The following ADGRV1 variants were observed in gnomAD, a reference collection of about 807,000 sequenced individuals.
ADGRV1 encodes adhesion G protein-coupled receptor V1, also known as G-protein coupled receptor 98.
ADGRV1 carries 359 observed loss-of-function variants against 596.2 expected under a neutral mutation model. The ratio of observed to expected loss-of-function variants is 0.60; its 90% CI spans 0.55 to 0.66. ADGRV1 has a LOEUF of 0.66. Ranked by LOEUF, ADGRV1 falls within the 30% of genes least tolerant of loss-of-function variation. ADGRV1 has a pLI of 0.00. For missense variants in ADGRV1, 7,274 were observed against 7,575.6 expected, an observed-to-expected ratio of 0.96 and a Z score of 1.48; for synonymous variants, 2,681 against 2,679.2, an observed-to-expected ratio of 1.00 and a Z score of -0.02.
chr5:91,061,211 A>T (rs1235828531), intron 85 of ADGRV1, among the ~76,000 whole-genome samples: 1 of 152,222 alleles, frequency 6.6e-6, no homozygotes, highest in Non-Finnish European at 1.5e-5. Context: ...AACATAGAGC[A>T]TTCATACATA....
chr5:90,736,673 A>C (rs919664994), intron 50 of ADGRV1, among the ~76,000 whole-genome samples: 3 of 151,774 alleles, frequency 2.0e-5, no homozygotes, highest in African/African-American at 7.3e-5. Context: ...TAGGTTTTCT[A>C]TCTCTTCATG....
At chr5:91,141,283 G>C (rs138659849) in intron 87 of ADGRV1, among the ~76,000 whole-genome samples, 77 of 152,270 alleles carry the variant, frequency 5.1e-4, no homozygotes, top group African/African-American at 1.8e-3. Context: ...TACTAGTTTT[G>C]AATAGTGTCC....
chr5:91,066,355 C>A (rs572966370), intron 85 of ADGRV1, among the ~76,000 whole-genome samples: 1 of 152,214 alleles, frequency 6.6e-6, no homozygotes, highest in Non-Finnish European at 1.5e-5. Flanking sequence ...CCTGAATATA[C>A]TGTACCTCTA....
At chr5:90,645,844 G>T (rs1034609992) in intron 15 of ADGRV1, 124 bp from the exon 16 acceptor site, 4 of 702,876 alleles carry the variant, frequency 5.7e-6, no homozygotes, top group African/African-American at 1.8e-5. Context: ...TTCTGCCTCC[G>T]AAAAGGAAAT....
intron 85 of ADGRV1, among the ~76,000 whole-genome samples, chr5:91,049,729 A>T (rs1219531394): frequency 2.0e-5 from 3 of 152,252 alleles, no homozygotes; most frequent in African/African-American, 7.2e-5. Flanking sequence ...AAGCTCACAT[A>T]ACCAGTGTAT....
chr5:90,772,814 G>A (rs145617165), intron 59 of ADGRV1, among the ~76,000 whole-genome samples: 1 of 152,174 alleles, frequency 6.6e-6, no homozygotes, highest in Non-Finnish European at 1.5e-5. Flanking sequence ...AATAGCCATT[G>A]TCAGATAAAT....
At chr5:90,858,982 A>C (rs1767290136) in intron 82 of ADGRV1, among the ~76,000 whole-genome samples, 1 of 152,224 alleles carries the variant, frequency 6.6e-6, no homozygotes, top group Non-Finnish European at 1.5e-5. Context: ...GATCAGAATT[A>C]TATTCTGTGT....
At chr5:91,083,135 G>T (rs777181598) in intron 86 of ADGRV1, among the ~76,000 whole-genome samples, 2 of 151,294 alleles carry the variant, frequency 1.3e-5, no homozygotes, top group African/African-American at 4.9e-5. Context: ...GCAAAGTGTC[G>T]CAAGGACAGA....
chr5:90,907,784 A>G (rs1772461245), intron 83 of ADGRV1, among the ~76,000 whole-genome samples: 1 of 152,064 alleles, frequency 6.6e-6, no homozygotes, highest in Non-Finnish European at 1.5e-5. Context: ...TTCTTCATCT[A>G]GTACCTACCA....
intron 70 of ADGRV1, among the ~76,000 whole-genome samples, chr5:90,794,924 G>C (rs1760506321): frequency 6.6e-6 from 1 of 151,868 alleles, no homozygotes. Context: ...GAGGGACTGA[G>C]CCTGAAGAAC....
intron 85 of ADGRV1, among the ~76,000 whole-genome samples, chr5:91,026,373 A>G (rs1476162575): frequency 6.6e-6 from 1 of 152,190 alleles, no homozygotes; most frequent in Non-Finnish European, 1.5e-5. Context: ...ATATTAATTA[A>G]GCCTCCATTC....
Position 90,778,997 on chromosome 5 carries a change from G to C in ADGRV1, c.12982G>C (p.Glu4328Gln), listed in dbSNP as rs182452385. ...AGGGGAGCTCCTCTTTGAAGCAGGG[G>C]AGATGAGGAAAAGTCTGCATGTTGA... The part of the protein sequence containing the change: ...AAGELLFEAG[E>Q]MRKSLHVEIL... The change falls in exon 64 of 90, where the codon GAG becomes CAG. Residue 4328 changes from glutamate (E) to glutamine (Q), a missense_variant. This residue lies in a region of ADGRV1 where 3,643 missense variants were observed against 3,809.2 expected (regional missense o/e 0.96). Transcript: ENST00000405460. 1 of 1,613,462 alleles carries C rather than the reference G, an allele frequency of 6.2e-7. No homozygotes were observed. Among genetic ancestry groups the C allele is most frequent in the East Asian group, 2.2e-5 (1 of 44,874 alleles).
chr5:91,117,615 G>T (rs1792964537), intron 87 of ADGRV1, among the ~76,000 whole-genome samples: 1 of 152,138 alleles, frequency 6.6e-6, no homozygotes, highest in Admixed American at 6.6e-5. Flanking sequence ...GCTGAAAGAA[G>T]AGTACCTTTT....
intron 32 of ADGRV1, 101 bp from the exon 33 acceptor site, chr5:90,693,789 A>AT (rs949374157): frequency 3.2e-5 from 28 of 880,772 alleles, no homozygotes; most frequent in East Asian, 8.1e-5. Flanking sequence ...GACTTTAAAC[A>AT]TTTTTTTAAA....
At chr5:90,629,712 A>G (rs2149384622) in intron 9 of ADGRV1, 173 bp downstream of exon 9, 4 of 485,902 alleles carry the variant, frequency 8.2e-6, no homozygotes, top group Non-Finnish European at 1.1e-5. Flanking sequence ...CCTAAGGTAT[A>G]TAAGTATAAA....
intron 45 of ADGRV1, among the ~76,000 whole-genome samples, chr5:90,723,923 CT>C (rs57982634): frequency 2.0e-5 from 3 of 150,162 alleles, no homozygotes; most frequent in East Asian, 2.0e-4. Context: ...TATTTTTGCC[CT>C]TTTTTTTTCT....
chr5:90,889,045 G>T (rs1770556280), intron 83 of ADGRV1, among the ~76,000 whole-genome samples: 1 of 152,078 alleles, frequency 6.6e-6, no homozygotes. Context: ...ATGTTGGAAA[G>T]AAATCATAGC....
At chr5:90,864,328 CTG>C (rs1767886411) in intron 83 of ADGRV1, among the ~76,000 whole-genome samples, 1 of 152,078 alleles carries the variant, frequency 6.6e-6, no homozygotes, top group African/African-American at 2.4e-5. Context: ...GTAGAAGAAA[CTG>C]TGTGAAAAAC....
intron 61 of ADGRV1, 31 bp downstream of exon 61, chr5:90,776,607 A>G (rs779051069): frequency 4.3e-6 from 7 of 1,610,174 alleles, no homozygotes; most frequent in African/African-American, 1.3e-5. Context: ...CTTTGCCTAT[A>G]TGGGGGTTAC....
Sources: gnomAD v4.1 joint callset for allele counts (sites outside exome capture counted in the v4.1 genomes callset) on GRCh38, gnomAD v4.1.1 for gene constraint, gnomAD v4.1.1 regional missense constraint, MANE v1.5 for transcripts, NCBI Gene and HGNC (gene_info 2026-07-23, HGNC 2026-07-21) for gene names.